The following BAZ2B variants were observed in gnomAD, a reference collection of about 807,000 sequenced individuals.
The protein encoded by BAZ2B is bromodomain adjacent to zinc finger domain protein 2B.
In BAZ2B, 91 loss-of-function variants were observed where a neutral mutation model predicts 246.0. That is an observed-to-expected ratio of 0.37 (90% confidence interval 0.31 to 0.44). The LOEUF (loss-of-function observed/expected upper bound fraction) is 0.44, where lower values mean the gene tolerates loss of function less well. Ranked by LOEUF, BAZ2B falls within the 20% of genes least tolerant of loss-of-function variation. The probability of loss-of-function intolerance (pLI) is 1.00; values close to 1 mark genes in which losing one functional copy is unlikely to be tolerated. For synonymous variants in BAZ2B, 855 were observed against 860.0 expected, an observed-to-expected ratio of 0.99 and a Z score of 0.10; for missense variants, 2,332 against 2,533.7, an observed-to-expected ratio of 0.92 and a Z score of 1.71.
intron 2 of BAZ2B, among the ~76,000 whole-genome samples, chr2:159,494,680 G>A (rs965502507): frequency 2.0e-5 from 3 of 152,096 alleles, no homozygotes; most frequent in Non-Finnish European, 4.4e-5. Context: ...CTAAATACTA[G>A]TCTTTTATTC....
intron 27 of BAZ2B, among the ~76,000 whole-genome samples, chr2:159,355,052 C>T (rs1295289174): frequency 6.6e-6 from 1 of 152,206 alleles, no homozygotes; most frequent in African/African-American, 2.4e-5. Context: ...GGGGGTCAAT[C>T]ATTCTTGCTT....
the BAZ2B span, among the ~76,000 whole-genome samples, chr2:159,681,669 G>A: frequency 1.3e-5 from 2 of 152,142 alleles, no homozygotes; most frequent in Non-Finnish European, 2.9e-5. Flanking sequence ...GGTGGCTCAC[G>A]CCTGTAATCC....
chr2:159,347,427 A>G, intron 31 of BAZ2B, 59 bp downstream of exon 31: 1 of 1,530,876 alleles, frequency 6.5e-7, no homozygotes, highest in South Asian at 1.1e-5. Flanking sequence ...TAGGCAAGTA[A>G]TAAACATTAG....
Position 159,539,097 on chromosome 2 carries a change from C to T in BAZ2B, c.-3+16726G>A, listed in dbSNP as rs138389121. ...ATAGAGTGAATATTTTTGATGTGGC[C>T]TTTCCCACCCATAAGGATCATATCA... On this transcript the variant is annotated intron_variant, in intron 2 of 36. Coordinates refer to ENST00000392783, the MANE Select transcript of BAZ2B (RefSeq NM_013450.4). Among the ~76,000 whole-genome samples, 369 of 152,256 alleles carry T rather than the reference C, an allele frequency of 2.4e-3. 3 individuals are homozygous for T. Among genetic ancestry groups the T allele is most frequent in the Middle Eastern group, 0.02 (6 of 294 alleles).
chr2:159,317,828 G>A (rs1333589284), downstream of BAZ2B, among the ~76,000 whole-genome samples: 1 of 152,046 alleles, frequency 6.6e-6, no homozygotes, highest in East Asian at 1.9e-4. Flanking sequence ...AGGGCACTGG[G>A]AGTGCATGAA....
At chr2:159,672,143 G>A in the BAZ2B span, among the ~76,000 whole-genome samples, 25 of 151,920 alleles carry the variant, frequency 1.6e-4, no homozygotes, top group Non-Finnish European at 1.5e-4. Context: ...TGTATAAGAC[G>A]TGAGAATAGT....
chr2:159,322,216 C>T (rs891849522), intron 36 of BAZ2B, among the ~76,000 whole-genome samples: 2 of 152,010 alleles, frequency 1.3e-5, no homozygotes, highest in Non-Finnish European at 2.9e-5. Context: ...TTAAGTCAGC[C>T]CTTATGTAAC....
chr2:159,680,806 G>A, the BAZ2B span, among the ~76,000 whole-genome samples: 1 of 152,158 alleles, frequency 6.6e-6, no homozygotes, highest in African/African-American at 2.4e-5. Context: ...TACAAAATGT[G>A]CTACCAACCT....
the BAZ2B span, among the ~76,000 whole-genome samples, chr2:159,637,095 T>C: frequency 6.6e-6 from 1 of 152,144 alleles, no homozygotes; most frequent in Non-Finnish European, 1.5e-5. Flanking sequence ...TGGCTTCAGG[T>C]GGGACCCAGC....
At chr2:159,484,854 C>A (rs1486589651) in intron 2 of BAZ2B, among the ~76,000 whole-genome samples, 3 of 151,958 alleles carry the variant, frequency 2.0e-5, no homozygotes, top group Admixed American at 2.0e-4. Flanking sequence ...AAAAGTATAG[C>A]CACAGATTAA....
intron 21 of BAZ2B, among the ~76,000 whole-genome samples, chr2:159,388,952 C>T (rs1171073599): frequency 2.0e-5 from 3 of 152,040 alleles, no homozygotes; most frequent in South Asian, 2.1e-4. Context: ...TGGTGGCAAG[C>T]GCCTGTGGTC....
the BAZ2B span, among the ~76,000 whole-genome samples, chr2:159,686,420 C>T: frequency 6.6e-6 from 1 of 152,324 alleles, no homozygotes; most frequent in East Asian, 1.9e-4. Flanking sequence ...AATAACCCCA[C>T]TCCAATCATG....
chr2:159,349,902 T>C lies in BAZ2B; in HGVS notation c.4669A>G (p.Arg1557Gly), dbSNP rs755582512. ...CGTGGCAAAAGACTAAACCATTGTCTATTCTTTTCAGTCAGCGTTTTTAGT... is the reference window on the plus strand; with the variant it reads ...CGTGGCAAAAGACTAAACCATTGTCCATTCTTTTCAGTCAGCGTTTTTAGT... ...QLLKTLTEKNRQWFSLLPRTP... is the reference protein window; with the variant it reads ...QLLKTLTEKNGQWFSLLPRTP... The change falls in exon 28 of 37, where the codon AGA becomes GGA. Residue 1557 changes from arginine (R) to glycine (G), a missense_variant. Coordinates refer to ENST00000392783, the MANE Select transcript of BAZ2B (RefSeq NM_013450.4). The C allele has an allele frequency of 6.2e-7, 1 of 1,614,204 alleles. No homozygotes were observed. The highest frequency in any genetic ancestry group is 1.1e-5 in the South Asian group (1 of 91,082).
At chr2:159,577,281 A>C (rs1685574746) in intron 1 of BAZ2B, among the ~76,000 whole-genome samples, 2 of 152,214 alleles carry the variant, frequency 1.3e-5, no homozygotes, top group Admixed American at 1.3e-4. Flanking sequence ...ATTGATTAAA[A>C]AGGAAAATTA....
At chr2:159,601,474 G>A (rs1321486505) in intron 1 of BAZ2B, among the ~76,000 whole-genome samples, 2 of 150,180 alleles carry the variant, frequency 1.3e-5, no homozygotes, top group African/African-American at 2.4e-5. Context: ...TGTAATCCCA[G>A]CACTTCGGGA....
At chr2:159,332,424 C>T in intron 34 of BAZ2B, 116 bp downstream of exon 34, 1 of 1,013,944 alleles carries the variant, frequency 9.9e-7, no homozygotes, top group Non-Finnish European at 1.4e-6. Flanking sequence ...GAGTTTTAGG[C>T]TGTAGTGGGC....
chr2:159,406,810 A>G (rs1021447501), intron 14 of BAZ2B, among the ~76,000 whole-genome samples: 19 of 151,622 alleles, frequency 1.3e-4, no homozygotes, highest in African/African-American at 3.4e-4. Flanking sequence ...GCTGGAGTGC[A>G]GTGGCGTGAT....
chr2:159,462,794 A>T (rs543142050), intron 3 of BAZ2B: 9 of 1,423,526 alleles, frequency 6.3e-6, no homozygotes, highest in Admixed American at 1.7e-5. Context: ...ACATGCAATA[A>T]TAGTCTGTTG....
At chr2:159,376,126 T>C (rs900469265) in intron 25 of BAZ2B, among the ~76,000 whole-genome samples, 9 of 152,170 alleles carry the variant, frequency 5.9e-5, no homozygotes, top group African/African-American at 2.2e-4. Context: ...CTACTAGACA[T>C]AGGCAAATTA....
Sources: allele counts gnomAD v4.1 joint callset (sites outside exome capture counted in the v4.1 genomes callset), GRCh38; gene constraint gnomAD v4.1.1; transcripts MANE v1.5; gene names NCBI Gene and HGNC (gene_info 2026-07-23, HGNC 2026-07-21).